TRAPPC10: variants seen among roughly 807,000 people sequenced by gnomAD.
The protein encoded by TRAPPC10 is TRAPP 130 kDa subunit.
In TRAPPC10, 23 loss-of-function variants were observed where a neutral mutation model predicts 125.5. The observed-to-expected ratio is 0.18, with a 90% confidence interval of 0.13 to 0.26. The LOEUF (loss-of-function observed/expected upper bound fraction) is 0.26. TRAPPC10 is among the 10% of genes least tolerant of loss of function. TRAPPC10 has a pLI of 1.00. For missense variants in TRAPPC10, 1,123 were observed against 1,308.4 expected (o/e 0.86, Z 2.19); for synonymous variants, 509 against 518.0 (o/e 0.98, Z 0.24).
chr21:44,051,677 A>G (rs1184006585), intron 3 of TRAPPC10, among the ~76,000 whole-genome samples: 1 of 152,228 alleles, frequency 6.6e-6, no homozygotes, highest in African/African-American at 2.4e-5. Flanking sequence ...GCCTTGCGGA[A>G]GCTGCAGGTC....
chr21:44,055,057 A>G (rs1421609246), intron 4 of TRAPPC10, among the ~76,000 whole-genome samples: 2 of 152,174 alleles, frequency 1.3e-5, no homozygotes, highest in African/African-American at 4.8e-5. Flanking sequence ...AGGAACCAAA[A>G]TGGATTTTGA....
chr21:44,024,970 G>A (rs2032909399), intron 1 of TRAPPC10, among the ~76,000 whole-genome samples: 3 of 152,054 alleles, frequency 2.0e-5, no homozygotes, highest in African/African-American at 4.8e-5. Context: ...ACTTTCCCCC[G>A]GACTCCACTC....
In TRAPPC10 at chr21:44,055,775, G is replaced by A; in HGVS notation, c.560G>A (p.Arg187Lys). ...ESWNAFLTKL[R>K]TLLLMSFTKN... Reference sequence around the variant, plus strand: ...TGGAATGCCTTCCTGACCAAACTCAGGACATTGCTTCTTATGTCTTTTACC... The same window carrying A: ...TGGAATGCCTTCCTGACCAAACTCAAGACATTGCTTCTTATGTCTTTTACC... The change falls in exon 5 of 23, where the codon AGG (arginine) becomes AAG (lysine). Residue 187 changes from arginine to lysine, a missense_variant. This residue lies in a region of TRAPPC10 where 177 missense variants were observed against 228.9 expected (regional missense o/e 0.77). Coordinates refer to ENST00000291574, the MANE Select transcript of TRAPPC10 (RefSeq NM_003274.5). 6.2e-7 allele frequency: 1 copy of A among 1,613,878 alleles called. No individual in the cohort carries two copies. The highest frequency in any genetic ancestry group is 1.3e-5 in the African/African-American group (1 of 74,988).
At chr21:44,084,330 T>C in intron 15 of TRAPPC10, 67 bp downstream of exon 15, 1 of 1,478,082 alleles carries the variant, frequency 6.8e-7, no homozygotes, top group Non-Finnish European at 9.1e-7. Context: ...CCTGCTGAGA[T>C]GCCAGGCTTC....
At chr21:44,073,678 G>A (rs796775258) in intron 7 of TRAPPC10, among the ~76,000 whole-genome samples, 4 of 152,272 alleles carry the variant, frequency 2.6e-5, no homozygotes, top group South Asian at 4.1e-4. Context: ...GCCCTGGGAC[G>A]TTTTTCAAAT....
chr21:44,026,633 G>C (rs17262187), intron 1 of TRAPPC10, among the ~76,000 whole-genome samples: 5,493 of 152,254 alleles, frequency 0.036, 117 homozygotes, highest in Middle Eastern at 0.061. Context: ...TATTATTTCT[G>C]CAAAATTTTC....
intron 19 of TRAPPC10, among the ~76,000 whole-genome samples, chr21:44,092,769 G>T (rs1019840858): frequency 0.013 from 4 of 302 alleles, no homozygotes; most frequent in Admixed American, 0.05. Flanking sequence ...TGGATGTAAA[G>T]ATTACTTTTT....
intron 1 of TRAPPC10, among the ~76,000 whole-genome samples, chr21:44,031,550 G>A (rs1876273397): frequency 6.6e-6 from 1 of 152,194 alleles, no homozygotes; most frequent in South Asian, 2.1e-4. Flanking sequence ...AATTGGGGTC[G>A]TGTTTGTGCC....
chr21:44,017,531 T>C (rs1385633784), intron 1 of TRAPPC10, among the ~76,000 whole-genome samples: 1 of 152,156 alleles, frequency 6.6e-6, no homozygotes, highest in Non-Finnish European at 1.5e-5. Flanking sequence ...AAAAATTCCA[T>C]TTATTAAGTA....
At chr21:44,016,472 A>C (rs2031854637) in intron 1 of TRAPPC10, among the ~76,000 whole-genome samples, 1 of 152,092 alleles carries the variant, frequency 6.6e-6, no homozygotes, top group Non-Finnish European at 1.5e-5. Context: ...CCCTCCCTCT[A>C]GGTGATCTGT....
intron 1 of TRAPPC10, among the ~76,000 whole-genome samples, chr21:44,014,441 T>A (rs1273496666): frequency 6.6e-6 from 1 of 152,012 alleles, no homozygotes; most frequent in Non-Finnish European, 1.5e-5. Flanking sequence ...TCGCCCAGGC[T>A]GGAGTGCAGT....
chr21:44,039,858 T>C (rs1217677260), intron 3 of TRAPPC10, among the ~76,000 whole-genome samples: 1 of 152,202 alleles, frequency 6.6e-6, no homozygotes, highest in Non-Finnish European at 1.5e-5. Flanking sequence ...AGCAAGACTC[T>C]GTCTCAAAAG....
chr21:44,084,091 T>G, intron 14 of TRAPPC10, 31 bp from the exon 15 acceptor site: 1 of 1,612,726 alleles, frequency 6.2e-7, no homozygotes, highest in Non-Finnish European at 8.5e-7. Context: ...CTGGGTGACG[T>G]GGTTTCAAAT....
At chr21:44,071,135 C>T (rs2145988510) in intron 7 of TRAPPC10, among the ~76,000 whole-genome samples, 1 of 152,326 alleles carries the variant, frequency 6.6e-6, no homozygotes, top group South Asian at 2.1e-4. Flanking sequence ...CAAAGGAGGA[C>T]ATGCTGTGTG....
intron 6 of TRAPPC10, among the ~76,000 whole-genome samples, chr21:44,061,079 A>G (rs2036016141): frequency 1.3e-5 from 2 of 152,084 alleles, no homozygotes; most frequent in Admixed American, 6.5e-5. Flanking sequence ...CTGGGACTAC[A>G]GGTGCGCACC....
At chr21:44,018,409 A>G (rs571344887) in intron 1 of TRAPPC10, among the ~76,000 whole-genome samples, 5 of 152,166 alleles carry the variant, frequency 3.3e-5, no homozygotes, top group African/African-American at 1.2e-4. Flanking sequence ...GTCTCAGAAA[A>G]AAAAATAAAG....
chr21:44,029,227 TG>T (rs2033358416), intron 1 of TRAPPC10, among the ~76,000 whole-genome samples: 1 of 152,172 alleles, frequency 6.6e-6, no homozygotes, highest in African/African-American at 2.4e-5. Flanking sequence ...CCCAAGTAGC[TG>T]GGACTACAGG....
rs199606766 is a variant in TRAPPC10 at position 44,037,810 on chromosome 21, G to T, written c.168G>T (p.Pro56=). The change falls in exon 3 of 23, where the codon CCG becomes CCT. Residue 56 remains proline, a synonymous_variant. Transcript: ENST00000291574. ...TTTACAGGTCCTATGGCCGGGCTCCGAAGATGATTCACCTAGAGTCTAACT... is the reference window on the plus strand; with the variant it reads ...TTTACAGGTCCTATGGCCGGGCTCCTAAGATGATTCACCTAGAGTCTAACT... The part of the protein sequence containing the change: ...MEWRRSYGRA[P]KMIHLESNFV... 9.3e-6 allele frequency: 15 copies of T among 1,613,824 alleles called. No homozygotes were observed. Among genetic ancestry groups the T allele is most frequent in the Non-Finnish European group, 1.3e-5 (15 of 1,179,894 alleles).
chr21:44,032,253 G>A, intron 2 of TRAPPC10, 81 bp downstream of exon 2: 1 of 1,165,630 alleles, frequency 8.6e-7, no homozygotes, highest in Non-Finnish European at 1.2e-6. Context: ...AGTATATGTT[G>A]TTTAGACATT....
Sources: allele counts gnomAD v4.1 joint callset (sites outside exome capture counted in the v4.1 genomes callset), GRCh38; gene constraint gnomAD v4.1.1; regional missense constraint gnomAD v4.1.1; transcripts MANE v1.5; gene names NCBI Gene and HGNC (gene_info 2026-07-23, HGNC 2026-07-21).